Variants in BBS9 observed in about 807,000 individuals in gnomAD.
BBS9 encodes the protein Bardet-Biedl syndrome 9, also known as protein PTHB1.
In BBS9, 89 loss-of-function variants were observed where a neutral mutation model predicts 117.7. The ratio of observed to expected loss-of-function variants is 0.76; its 90% CI spans 0.64 to 0.90. BBS9 has a LOEUF of 0.90. BBS9 is among the 40% of genes least tolerant of loss of function. The probability of loss-of-function intolerance (pLI) is 0.00; values close to 1 mark genes in which losing one functional copy is unlikely to be tolerated. For missense variants in BBS9, 982 were observed against 1,042.2 expected, an observed-to-expected ratio of 0.94 and a Z score of 0.80; for synonymous variants, 379 against 370.9, an observed-to-expected ratio of 1.02 and a Z score of -0.25.
At chr7:33,492,615 G>A (rs1028182777) in intron 19 of BBS9, among the ~76,000 whole-genome samples, 1 of 152,126 alleles carries the variant, frequency 6.6e-6, no homozygotes, top group African/African-American at 2.4e-5. Flanking sequence ...TAATGTGCAG[G>A]ACTTGAATGT....
At chr7:33,408,175 G>T (rs1027896159) in intron 19 of BBS9, among the ~76,000 whole-genome samples, 9 of 152,176 alleles carry the variant, frequency 5.9e-5, no homozygotes, top group Non-Finnish European at 1.3e-4. Flanking sequence ...CTGCCACCTT[G>T]CAGTTTGATC....
chr7:33,313,634 C>G (rs960080629), intron 9 of BBS9, among the ~76,000 whole-genome samples: 3 of 152,162 alleles, frequency 2.0e-5, no homozygotes, highest in African/African-American at 7.2e-5. Flanking sequence ...GTAATTTTTG[C>G]AGTTTTCGGT....
rs142274401 is a variant in BBS9 at position 33,331,919 on chromosome 7, C to T, written c.1017-4522C>T. Among the ~76,000 whole-genome samples the T allele has an allele frequency of 1.3e-3, 205 of 152,154 alleles. 1 individual carries two copies. The highest frequency in any genetic ancestry group is 4.3e-3 in the African/African-American group (178 of 41,526). ...TTCAATGCAATTCCCATCAAAATAC[C>T]GTCATCATTCTTCGCAGAACTAGAA... is the stretch of plus-strand genomic sequence containing the variant. On this transcript the variant is annotated intron_variant, in intron 9 of 22. Transcript: ENST00000242067.
intron 20 of BBS9, among the ~76,000 whole-genome samples, chr7:33,518,766 C>G (rs1309173858): frequency 2.0e-5 from 3 of 152,142 alleles, no homozygotes; most frequent in Non-Finnish European, 2.9e-5. Context: ...TGTGGGTAAA[C>G]ATACTACTTC....
chr7:33,616,813 A>G (rs1464362841), intron 21 of BBS9, among the ~76,000 whole-genome samples: 1 of 152,018 alleles, frequency 6.6e-6, no homozygotes, highest in Admixed American at 6.6e-5. Context: ...TCACCCAAAT[A>G]GTATACATTA....
chr7:33,133,751 A>G (rs1347016659), intron 1 of BBS9, among the ~76,000 whole-genome samples: 2 of 152,222 alleles, frequency 1.3e-5, no homozygotes, highest in African/African-American at 4.8e-5. Flanking sequence ...GAATAATGCT[A>G]CTATAAACAT....
chr7:33,527,221 C>G (rs1219499831), intron 20 of BBS9, among the ~76,000 whole-genome samples: 1 of 152,218 alleles, frequency 6.6e-6, no homozygotes, highest in Non-Finnish European at 1.5e-5. Context: ...GCCCTGCCCC[C>G]AGAGGTGGAG....
intron 5 of BBS9, among the ~76,000 whole-genome samples, chr7:33,245,745 C>G (rs1445569878): frequency 1.3e-5 from 2 of 152,038 alleles, no homozygotes; most frequent in Non-Finnish European, 2.9e-5. Context: ...TTTAGTTAAA[C>G]AGATATTTTT....
intron 5 of BBS9, among the ~76,000 whole-genome samples, chr7:33,220,626 G>A (rs1457240422): frequency 2.6e-5 from 4 of 152,200 alleles, no homozygotes; most frequent in African/African-American, 9.7e-5. Context: ...TGGCATACAT[G>A]CTGTGATTTT....
intron 9 of BBS9, among the ~76,000 whole-genome samples, chr7:33,288,554 T>A (rs1048581828): frequency 3.9e-5 from 6 of 152,242 alleles, no homozygotes; most frequent in Non-Finnish European, 8.8e-5. Flanking sequence ...AAAGCTTTGC[T>A]TAGTGAAGAA....
intron 12 of BBS9, among the ~76,000 whole-genome samples, chr7:33,346,951 C>T (rs1188026150): frequency 6.6e-6 from 1 of 152,182 alleles, no homozygotes; most frequent in African/African-American, 2.4e-5. Context: ...TTCTCTGAAC[C>T]TCTATTTTTT....
At chr7:33,571,141 A>G (rs1413962650) in intron 21 of BBS9, among the ~76,000 whole-genome samples, 3 of 152,156 alleles carry the variant, frequency 2.0e-5, no homozygotes, top group South Asian at 2.1e-4. Context: ...TCATTGTACT[A>G]TTTTGTTTTC....
intron 19 of BBS9, among the ~76,000 whole-genome samples, chr7:33,405,697 T>G (rs1829810231): frequency 6.6e-6 from 1 of 152,238 alleles, no homozygotes; most frequent in Non-Finnish European, 1.5e-5. Context: ...GGTATCCCTT[T>G]TATCATTTTT....
chr7:33,485,866 G>A (rs1843047111), intron 19 of BBS9, among the ~76,000 whole-genome samples: 1 of 152,160 alleles, frequency 6.6e-6, no homozygotes, highest in Non-Finnish European at 1.5e-5. Flanking sequence ...TGCTGGAATG[G>A]AGATAGCTGG....
intron 14 of BBS9, chr7:33,351,832 G>T (rs1818713657): frequency 5.7e-6 from 1 of 176,660 alleles, no homozygotes; most frequent in African/African-American, 2.4e-5. Flanking sequence ...CTTATTCCTT[G>T]TGGCCCCACC....
intron 19 of BBS9, among the ~76,000 whole-genome samples, chr7:33,402,131 T>G (rs893807534): frequency 2.0e-5 from 3 of 152,216 alleles, no homozygotes; most frequent in Non-Finnish European, 4.4e-5. Context: ...TAGATGAGGT[T>G]AATTTTATGA....
intron 5 of BBS9, among the ~76,000 whole-genome samples, chr7:33,207,536 C>CTT (rs780030568): frequency 2.8e-5 from 4 of 140,928 alleles, no homozygotes; most frequent in South Asian, 2.2e-4. Flanking sequence ...GACATGTCTT[C>CTT]TTTTTTTTTT....
intron 17 of BBS9, among the ~76,000 whole-genome samples, 188 bp from the exon 18 acceptor site, chr7:33,383,477 GA>G (rs1401496592): frequency 6.6e-6 from 1 of 152,184 alleles, no homozygotes; most frequent in East Asian, 1.9e-4. Context: ...AATTAGATTT[GA>G]AAGTGTTAAG....
At chr7:33,278,957 G>C (rs1182388015) in intron 9 of BBS9, among the ~76,000 whole-genome samples, 3 of 152,188 alleles carry the variant, frequency 2.0e-5, no homozygotes, top group African/African-American at 4.8e-5. Context: ...ATACCATGTG[G>C]GAGAGAGAGT....
Sources: gnomAD v4.1 joint callset for allele counts (sites outside exome capture counted in the v4.1 genomes callset) on GRCh38, gnomAD v4.1.1 for gene constraint, MANE v1.5 for transcripts, NCBI Gene and HGNC (gene_info 2026-07-23, HGNC 2026-07-21) for gene names.